Variants in CLEC16A observed in about 807,000 individuals in gnomAD.
CLEC16A encodes protein CLEC16A.
A neutral mutation model predicts 109.5 loss-of-function variants in CLEC16A; 51 were observed. The observed-to-expected ratio is 0.47, with a 90% CI of 0.37 to 0.59. The LOEUF (loss-of-function observed/expected upper bound fraction) is 0.59. Ranked by LOEUF, CLEC16A falls within the 20% of genes least tolerant of loss-of-function variation. CLEC16A has a pLI of 0.00. For synonymous variants in CLEC16A, 673 were observed against 564.2 expected, an observed-to-expected ratio of 1.19 and a Z score of -2.73; for missense variants, 1,339 against 1,394.0, an observed-to-expected ratio of 0.96 and a Z score of 0.63.
chr16:11,106,927 C>T (rs949988447), intron 19 of CLEC16A, among the ~76,000 whole-genome samples: 1 of 152,126 alleles, frequency 6.6e-6, no homozygotes, highest in South Asian at 2.1e-4. Context: ...GGGACTGTTG[C>T]CCTGCACAGC....
chr16:11,150,160 G>A (rs561860314), intron 22 of CLEC16A: 1 of 152,196 alleles, frequency 6.6e-6, no homozygotes, highest in African/African-American at 2.4e-5. Context: ...ACAGTGTAAC[G>A]TAATACCTAT....
chr16:11,072,803 T>C (rs187670897), intron 19 of CLEC16A, among the ~76,000 whole-genome samples: 3 of 152,352 alleles, frequency 2.0e-5, no homozygotes, highest in East Asian at 3.9e-4. Context: ...CACTGAAATA[T>C]GTCTGTTCTC....
At chr16:11,157,092 G>C in intron 22 of CLEC16A, 1 of 1,304,194 alleles carries the variant, frequency 7.7e-7, no homozygotes. Flanking sequence ...CAAGGATAGT[G>C]TTTAAAATCT....
At chr16:11,082,483 T>C (rs1206814369) in intron 19 of CLEC16A, among the ~76,000 whole-genome samples, 1 of 152,166 alleles carries the variant, frequency 6.6e-6, no homozygotes, top group African/African-American at 2.4e-5. Context: ...AGGAACTCTT[T>C]TGGGTTAAAA....
intron 3 of CLEC16A, among the ~76,000 whole-genome samples, chr16:10,965,629 C>A (rs2042463695): frequency 6.6e-6 from 1 of 152,234 alleles, no homozygotes; most frequent in African/African-American, 2.4e-5. Context: ...TACCATTTCA[C>A]AAATGCACCT....
chr16:11,032,088 G>A (rs576960998), intron 13 of CLEC16A, among the ~76,000 whole-genome samples: 1 of 152,332 alleles, frequency 6.6e-6, no homozygotes, highest in East Asian at 1.9e-4. Flanking sequence ...GCCTGGTGGT[G>A]AGCATGGACT....
At chr16:11,163,700 G>C (rs1023254647) in intron 22 of CLEC16A, among the ~76,000 whole-genome samples, 1 of 152,156 alleles carries the variant, frequency 6.6e-6, no homozygotes, top group African/African-American at 2.4e-5. Context: ...GAGGGCAAGA[G>C]AAAAGACGTG....
At chr16:11,124,885 G>A (rs943526622) in intron 21 of CLEC16A, among the ~76,000 whole-genome samples, 2 of 152,098 alleles carry the variant, frequency 1.3e-5, no homozygotes, top group Non-Finnish European at 2.9e-5. Context: ...CCAGGAATTC[G>A]AGGCCAGCCT....
intron 10 of CLEC16A, among the ~76,000 whole-genome samples, chr16:10,993,005 G>C (rs1280249637): frequency 2.0e-5 from 3 of 152,124 alleles, no homozygotes; most frequent in African/African-American, 4.8e-5. Flanking sequence ...GGCCTCTGTG[G>C]GAAGGAGTTG....
intron 18 of CLEC16A, among the ~76,000 whole-genome samples, chr16:11,059,583 T>G (rs1330184077): frequency 2.0e-5 from 3 of 152,070 alleles, no homozygotes; most frequent in Middle Eastern, 3.2e-3. Flanking sequence ...TTTGGCCCCT[T>G]TCTAGTTTTG....
intron 10 of CLEC16A, among the ~76,000 whole-genome samples, chr16:10,983,714 A>G (rs1340919563): frequency 6.6e-6 from 1 of 152,042 alleles, no homozygotes; most frequent in Admixed American, 6.5e-5. Context: ...GATCCTGCTC[A>G]CATGTCCTGA....
At chr16:11,130,311 C>T (rs776047240) in intron 22 of CLEC16A, among the ~76,000 whole-genome samples, 4 of 152,132 alleles carry the variant, frequency 2.6e-5, no homozygotes, top group Non-Finnish European at 4.4e-5. Flanking sequence ...TCTCTGAACA[C>T]GGGAAGACAA....
At chr16:11,116,048 G>A (rs957319624) in intron 19 of CLEC16A, among the ~76,000 whole-genome samples, 9 of 151,922 alleles carry the variant, frequency 5.9e-5, no homozygotes, top group African/African-American at 1.7e-4. Context: ...TCAAATACCC[G>A]GCTGGACTGT....
In CLEC16A at chr16:11,174,200, G is replaced by A; in HGVS notation, c.2807-4135G>A. The A allele has an allele frequency of 6.4e-6, 3 of 469,672 alleles. No individual in the cohort carries two copies. Among genetic ancestry groups the A allele is most frequent in the South Asian group, 4.6e-5 (3 of 64,562 alleles). 29.1% of individuals were successfully genotyped at this position (469,672 alleles called of 1,614,324 possible). On this transcript the variant is annotated intron_variant, in intron 23 of 23. Coordinates refer to ENST00000409790, the MANE Select transcript of CLEC16A (RefSeq NM_015226.3). The surrounding 1 kb of genome is among the most constrained non-coding windows in gnomAD (Gnocchi z 4.7). Reference sequence around the variant, plus strand: ...GCCGACGAGTGTTCAGCCTGTCGGAGGCCGACAGTCATGGCGGCCACTGGG... The same window carrying A: ...GCCGACGAGTGTTCAGCCTGTCGGAAGCCGACAGTCATGGCGGCCACTGGG...
intron 22 of CLEC16A, among the ~76,000 whole-genome samples, chr16:11,148,588 C>A (rs747627738): frequency 6.6e-6 from 1 of 152,194 alleles, no homozygotes; most frequent in Non-Finnish European, 1.5e-5. Flanking sequence ...CACAGCCAGT[C>A]AGCATCAGGG....
intron 10 of CLEC16A, among the ~76,000 whole-genome samples, chr16:10,988,458 G>A (rs1005670792): frequency 6.6e-6 from 1 of 152,174 alleles, no homozygotes; most frequent in Non-Finnish European, 1.5e-5. Context: ...GTGCCATCAT[G>A]GGGCTTGCCA....
At chr16:11,008,709 G>A (rs905845492) in intron 11 of CLEC16A, among the ~76,000 whole-genome samples, 1 of 151,488 alleles carries the variant, frequency 6.6e-6, no homozygotes, top group African/African-American at 2.4e-5. Flanking sequence ...AAGTACATTC[G>A]GCTGGGTGCG....
chr16:11,045,435 C>G (rs1026733495), intron 16 of CLEC16A, among the ~76,000 whole-genome samples: 4 of 152,134 alleles, frequency 2.6e-5, no homozygotes, highest in Non-Finnish European at 5.9e-5. Context: ...TGTGAAGGCT[C>G]ACTTTCTCAT....
At chr16:11,153,790 T>TA (rs902340161) in intron 22 of CLEC16A, among the ~76,000 whole-genome samples, 1 of 152,052 alleles carries the variant, frequency 6.6e-6, no homozygotes, top group Non-Finnish European at 1.5e-5. Context: ...TTAATAATAC[T>TA]AAAAAAATAA....
Sources: gnomAD v4.1 joint callset for allele counts (sites outside exome capture counted in the v4.1 genomes callset) on GRCh38, gnomAD v4.1.1 for gene constraint, Gnocchi (gnomAD v3.1) non-coding constraint, MANE v1.5 for transcripts, NCBI Gene and HGNC (gene_info 2026-07-23, HGNC 2026-07-21) for gene names.